PCDH9: variants seen among roughly 807,000 people sequenced by gnomAD.
PCDH9 encodes protocadherin 9, also known as protocadherin-9.
PCDH9 carries 24 observed loss-of-function variants against 70.6 expected under a neutral mutation model. The ratio of observed to expected loss-of-function variants is 0.34; its 90% CI spans 0.25 to 0.48. The LOEUF (loss-of-function observed/expected upper bound fraction) is 0.48. Ranked by LOEUF, PCDH9 falls within the 20% of genes least tolerant of loss-of-function variation. PCDH9 has a pLI of 0.99. For missense variants in PCDH9, 1,281 were observed against 1,503.6 expected (o/e 0.85, Z 2.45); for synonymous variants, 562 against 558.5 (o/e 1.01, Z -0.09).
At position 67,141,395 on chromosome 13, in the gene PCDH9, C is replaced by T. The variant is rs566167915; in HGVS notation, c.3036+84010G>A. On this transcript the variant is annotated intron_variant, in intron 2 of 4. Transcript: ENST00000377865. ...TTGACCCCAGGAGTTCAAGACCAGC[C>T]TGGGCAATATAGTAAGATCTTCTCT... Among the ~76,000 whole-genome samples the T allele has an allele frequency of 5.9e-5, 9 of 152,048 alleles. 1 individual carries two copies. Among genetic ancestry groups the T allele is most frequent in the African/African-American group, 2.2e-4 (9 of 41,502 alleles).
chr13:66,614,977 C>A (rs4497536), intron 4 of PCDH9, among the ~76,000 whole-genome samples: 144,117 of 152,258 alleles, frequency 0.95, 68,750 homozygotes, highest in East Asian at 1. Context: ...AGGAAGGAGG[C>A]AGTACCTTGT....
At chr13:66,371,918 G>T (rs902043502) in intron 4 of PCDH9, among the ~76,000 whole-genome samples, 1 of 152,080 alleles carries the variant, frequency 6.6e-6, no homozygotes, top group African/African-American at 2.4e-5. Context: ...TAAAAGATTT[G>T]TGATCTTCAG....
chr13:66,663,642 T>C lies in PCDH9; in HGVS notation c.3139-32231A>G, dbSNP rs193091600. Among the ~76,000 whole-genome samples the C allele has an allele frequency of 3.3e-5, 5 of 152,340 alleles. No individual in the cohort carries two copies. The East Asian group carries it at 9.6e-4, about 29-fold the overall frequency. On this transcript the variant is annotated intron_variant, in intron 3 of 4. Transcript: ENST00000377865. ...ACCTGTAAATTACTACTGTATCTCC[T>C]GACACATGAACCAGACGCATGGAGA... is the stretch of plus-strand genomic sequence containing the variant.
At chr13:66,402,881 C>G (rs968873873) in intron 4 of PCDH9, among the ~76,000 whole-genome samples, 1 of 152,162 alleles carries the variant, frequency 6.6e-6, no homozygotes, top group East Asian at 1.9e-4. Context: ...GTTTTAAATA[C>G]TTTCCAATGT....
At chr13:67,212,077 A>T (rs982628217) in intron 2 of PCDH9, 2 of 152,112 alleles carry the variant, frequency 1.3e-5, no homozygotes, top group African/African-American at 4.8e-5. Flanking sequence ...CATCTAGTAA[A>T]AAAATGAAGT....
intron 2 of PCDH9, among the ~76,000 whole-genome samples, chr13:67,028,573 A>G (rs1023550123): frequency 5.1e-4 from 73 of 141,890 alleles, no homozygotes; most frequent in African/African-American, 1.8e-3. Flanking sequence ...TATAATAATA[A>G]TAAAATAAAA....
At chr13:66,989,942 CAAAT>C (rs2083968335) in intron 2 of PCDH9, among the ~76,000 whole-genome samples, 2 of 151,722 alleles carry the variant, frequency 1.3e-5, no homozygotes, top group African/African-American at 4.8e-5. Context: ...TTAGAAGAAA[CAAAT>C]AAGCACTCTG....
intron 2 of PCDH9, chr13:67,216,123 G>A (rs1301142607): frequency 1.3e-5 from 2 of 152,128 alleles, no homozygotes; most frequent in African/African-American, 4.8e-5. Context: ...ACCCTGAGGA[G>A]TGTTGCTCCC....
chr13:67,012,434 T>G (rs2084469299), intron 2 of PCDH9, among the ~76,000 whole-genome samples: 1 of 151,868 alleles, frequency 6.6e-6, no homozygotes, highest in African/African-American at 2.4e-5. Flanking sequence ...CCAACAATAT[T>G]GAATTACTTT....
At position 67,225,929 on chromosome 13, in the gene PCDH9, A is replaced by C; in HGVS notation, c.2512T>G (p.Cys838Gly). 1 of 1,614,128 alleles carries C rather than the reference A, an allele frequency of 6.2e-7. No homozygotes were observed. The highest frequency in any genetic ancestry group is 8.5e-7 in the Non-Finnish European group (1 of 1,180,022). The change falls in exon 2 of 5, where the codon TGT becomes GGT. Residue 838 changes from cysteine to glycine, a missense_variant. Around this residue, in one of 4 missense-constraint regions of PCDH9, gnomAD observed 207 missense variants for 191.8 expected, o/e 1.08. Coordinates refer to ENST00000377865, the MANE Select transcript of PCDH9 (RefSeq NM_203487.3). ...VVIFVTVLVR[C>G]RHASRFKAAQ... ...GCTTTGAACCTTGATGCATGGCGAC[A>C]GCGCACCAGAACGGTGACGAAGATC...
intron 3 of PCDH9, among the ~76,000 whole-genome samples, chr13:66,891,862 T>A (rs1239094830): frequency 6.6e-6 from 1 of 151,836 alleles, no homozygotes; most frequent in Admixed American, 6.6e-5. Context: ...TTTTGTATCA[T>A]CTTTAGACTC....
At chr13:66,798,009 G>GA (rs1381016081) in intron 3 of PCDH9, among the ~76,000 whole-genome samples, 6 of 150,878 alleles carry the variant, frequency 4.0e-5, no homozygotes, top group African/African-American at 1.5e-4. Flanking sequence ...AGAAAAATAA[G>GA]AAAAAATAGG....
intron 3 of PCDH9, among the ~76,000 whole-genome samples, chr13:66,742,548 G>C (rs1415161577): frequency 1.4e-5 from 2 of 147,324 alleles, no homozygotes; most frequent in Non-Finnish European, 3.0e-5. Context: ...CCATCAGAGT[G>C]AACAGGTAAC....
intron 3 of PCDH9, among the ~76,000 whole-genome samples, chr13:66,790,360 T>C (rs2080144923): frequency 6.6e-6 from 1 of 152,068 alleles, no homozygotes; most frequent in Non-Finnish European, 1.5e-5. Flanking sequence ...GTTAAATAAG[T>C]TGCAAATATC....
intron 2 of PCDH9, among the ~76,000 whole-genome samples, chr13:66,996,809 A>G (rs1331179180): frequency 6.6e-6 from 1 of 152,212 alleles, no homozygotes; most frequent in Non-Finnish European, 1.5e-5. Flanking sequence ...AAAAGCTAAC[A>G]AGTTAGGTGG....
chr13:66,832,892 C>A (rs1334955667), intron 3 of PCDH9, among the ~76,000 whole-genome samples: 1 of 152,096 alleles, frequency 6.6e-6, no homozygotes, highest in Non-Finnish European at 1.5e-5. Context: ...CTTATTTCTA[C>A]TACCCCCTGT....
intron 4 of PCDH9, among the ~76,000 whole-genome samples, chr13:66,565,803 G>C (rs1394328371): frequency 6.6e-6 from 1 of 152,090 alleles, no homozygotes; most frequent in African/African-American, 2.4e-5. Flanking sequence ...TGGTCTGTTA[G>C]GATATAAATA....
intron 2 of PCDH9, among the ~76,000 whole-genome samples, chr13:67,126,770 G>A (rs777635934): frequency 6.6e-6 from 1 of 152,096 alleles, no homozygotes; most frequent in Non-Finnish European, 1.5e-5. Context: ...GAATCACTTG[G>A]ACCAGTGACT....
intron 3 of PCDH9, among the ~76,000 whole-genome samples, chr13:66,696,486 T>C (rs1196598763): frequency 6.6e-6 from 1 of 152,196 alleles, no homozygotes; most frequent in African/African-American, 2.4e-5. Context: ...TTCTCTAACC[T>C]TTCCATAAAG....
Sources: gnomAD v4.1 joint callset for allele counts (sites outside exome capture counted in the v4.1 genomes callset) on GRCh38, gnomAD v4.1.1 for gene constraint, gnomAD v4.1.1 regional missense constraint, MANE v1.5 for transcripts, NCBI Gene and HGNC (gene_info 2026-07-23, HGNC 2026-07-21) for gene names.